The following TMEM225B variants were observed in gnomAD, a reference collection of about 807,000 sequenced individuals.
TMEM225B encodes the protein transmembrane protein 225B.
Under a neutral mutation model 16.9 loss-of-function variants are expected in TMEM225B, and 10 were observed. The ratio of observed to expected loss-of-function variants is 0.59; its 90% CI spans 0.36 to 1.00. The LOEUF (loss-of-function observed/expected upper bound fraction) is 1.00. TMEM225B is among the 50% of genes least tolerant of loss of function. The pLI is 0.01. For synonymous variants in TMEM225B, 92 were observed against 109.8 expected (o/e 0.84, Z 1.01); for missense variants, 217 against 267.0 (o/e 0.81, Z 1.30).
intron 2 of TMEM225B, among the ~76,000 whole-genome samples, chr7:99,600,909 AGATGAGGAAGGCT>A (rs1562950959): frequency 6.6e-6 from 1 of 152,098 alleles, no homozygotes; most frequent in Non-Finnish European, 1.5e-5. Flanking sequence ...AAAACTGAGA[AGATGAGGAAGGCT>A]GATGAGATGG....
At chr7:99,603,623 C>T (rs1805538637) in intron 2 of TMEM225B, among the ~76,000 whole-genome samples, 1 of 150,186 alleles carries the variant, frequency 6.7e-6, no homozygotes, top group Non-Finnish European at 1.5e-5. Flanking sequence ...ACCTGGGAGG[C>T]AGAGGTTGCA....
At chr7:99,610,015 G>A (rs920529197) in intron 5 of TMEM225B, among the ~76,000 whole-genome samples, 2 of 152,202 alleles carry the variant, frequency 1.3e-5, no homozygotes, top group African/African-American at 2.4e-5. Context: ...TGGAATTACA[G>A]GCGTGAACTA....
chr7:99,600,970 C>T (rs1350495728), intron 2 of TMEM225B, among the ~76,000 whole-genome samples: 2 of 151,832 alleles, frequency 1.3e-5, no homozygotes, highest in Non-Finnish European at 2.9e-5. Context: ...AGCATGAGCT[C>T]AAGGCTAGGG....
intron 2 of TMEM225B, among the ~76,000 whole-genome samples, chr7:99,600,563 G>A (rs1169436280): frequency 6.6e-6 from 1 of 152,228 alleles, no homozygotes; most frequent in African/African-American, 2.4e-5. Context: ...CGAATGAAGA[G>A]CAGAGTCACA....
intron 4 of TMEM225B, among the ~76,000 whole-genome samples, chr7:99,607,197 G>T (rs564639631): frequency 1.3e-5 from 2 of 151,872 alleles, no homozygotes; most frequent in African/African-American, 4.8e-5. Flanking sequence ...ATCTCGCTAT[G>T]TTGCCCAGGC....
chr7:99,608,754 C>A (rs892793682), intron 5 of TMEM225B, among the ~76,000 whole-genome samples: 1 of 145,376 alleles, frequency 6.9e-6, no homozygotes, highest in Non-Finnish European at 1.5e-5. Context: ...CACACACACA[C>A]ACACACACAC....
At chr7:99,599,427 G>A (rs558535108) in intron 1 of TMEM225B, among the ~76,000 whole-genome samples, 1 of 152,220 alleles carries the variant, frequency 6.6e-6, no homozygotes, top group South Asian at 2.1e-4. Flanking sequence ...AAATTAGCCA[G>A]GTGTAATGGC....
At chr7:99,609,622 G>A (rs1806168821) in intron 5 of TMEM225B, among the ~76,000 whole-genome samples, 1 of 151,978 alleles carries the variant, frequency 6.6e-6, no homozygotes, top group African/African-American at 2.4e-5. Context: ...TTTTAGTAGA[G>A]ATGGGGTTTC....
chr7:99,600,554 G>A (rs1584298463), intron 2 of TMEM225B, among the ~76,000 whole-genome samples: 1 of 152,202 alleles, frequency 6.6e-6, no homozygotes, highest in East Asian at 1.9e-4. Flanking sequence ...GGCTGAAGGC[G>A]AATGAAGAGC....
chr7:99,598,781 C>T (rs1273069131), intron 1 of TMEM225B, among the ~76,000 whole-genome samples: 1 of 152,176 alleles, frequency 6.6e-6, no homozygotes, highest in African/African-American at 2.4e-5. Flanking sequence ...CCTTCATCCC[C>T]AGAGCAGCTG....
intron 5 of TMEM225B, among the ~76,000 whole-genome samples, chr7:99,610,089 C>T (rs1562957309): frequency 1.3e-5 from 2 of 152,010 alleles, no homozygotes; most frequent in Admixed American, 1.3e-4. Flanking sequence ...CACTGAAGGT[C>T]TTGGGTTGGG....
Position 99,607,740 on chromosome 7 carries a change from C to T in TMEM225B, c.423C>T (p.Gly141=), listed in dbSNP as rs535511748. The stretch of plus-strand genomic sequence containing the variant: ...TCAAGGCTCTGAGGATGAAGCTCGG[C>T]CCCCTGCAGTTCTCCGTGCTGTGGC... The part of the protein sequence containing the change: ...LEIKALRMKL[G]PLQFSVLWPY... The change falls in exon 5 of 6, where the codon GGC becomes GGT. Residue 141 remains glycine (G), a synonymous_variant. Transcript: ENST00000431679. The T allele has an allele frequency of 5.2e-6, 8 of 1,536,070 alleles. No individual in the cohort carries two copies. The African/African-American group carries it at 9.6e-5, about 18-fold the overall frequency.
chr7:99,608,858 T>TATATATATATATATATATACAC (rs536627768), intron 5 of TMEM225B, among the ~76,000 whole-genome samples: 7 of 144,384 alleles, frequency 4.8e-5, no homozygotes, highest in African/African-American at 1.7e-4. Context: ...TATATATATA[T>TATATATATATATATATATACAC]ACACACACAC....
chr7:99,608,547 C>CT (rs542884054), intron 5 of TMEM225B, among the ~76,000 whole-genome samples: 7,226 of 128,820 alleles, frequency 0.056, 486 homozygotes, highest in East Asian at 0.27. Flanking sequence ...CTGTCTCTAC[C>CT]TTTTTTTTTT....
rs550712264 is a variant in TMEM225B at position 99,599,220 on chromosome 7, C to A, written c.-85+839C>A. Among the ~76,000 whole-genome samples, 3 of 151,596 alleles carry A rather than the reference C, an allele frequency of 2.0e-5. No individual in the cohort carries two copies. The South Asian group carries it at 6.2e-4, about 32-fold the overall frequency. On this transcript the variant is annotated intron_variant, in intron 1 of 5. Coordinates refer to ENST00000431679, the MANE Select transcript of TMEM225B (RefSeq NM_001195541.3). ...TCGATCTCCTGATCTCGTGATCCAC[C>A]TGCCTCGGCCTCCCAAAGTGCTGGG...
At chr7:99,603,072 G>C (rs1584305551) in intron 2 of TMEM225B, among the ~76,000 whole-genome samples, 1 of 152,088 alleles carries the variant, frequency 6.6e-6, no homozygotes, top group African/African-American at 2.4e-5. Context: ...GATGGGTTTG[G>C]GGGAGGAACT....
intron 3 of TMEM225B, among the ~76,000 whole-genome samples, chr7:99,604,951 A>G (rs1368862118): frequency 6.6e-6 from 1 of 152,070 alleles, no homozygotes; most frequent in Non-Finnish European, 1.5e-5. Flanking sequence ...AGCTGTGATC[A>G]TGCCACTGCA....
intron 5 of TMEM225B, among the ~76,000 whole-genome samples, chr7:99,609,726 G>A (rs567889837): frequency 2.7e-5 from 4 of 150,060 alleles, no homozygotes; most frequent in South Asian, 4.3e-4. Context: ...GAGCCACCGC[G>A]CCCGGCCACT....
At chr7:99,605,857 A>C (rs1383428542) in intron 3 of TMEM225B, among the ~76,000 whole-genome samples, 3 of 152,178 alleles carry the variant, frequency 2.0e-5, no homozygotes, top group Non-Finnish European at 4.4e-5. Context: ...CAAAGTGTTG[A>C]GATTACAGGC....
Sources: allele counts gnomAD v4.1 joint callset (sites outside exome capture counted in the v4.1 genomes callset), GRCh38; gene constraint gnomAD v4.1.1; transcripts MANE v1.5; gene names NCBI Gene and HGNC (gene_info 2026-07-23, HGNC 2026-07-21).